Variants in CSMD1 observed in about 807,000 individuals in gnomAD.
CSMD1 encodes CUB and sushi domain-containing protein 1.
In CSMD1, 213 loss-of-function variants were observed where a neutral mutation model predicts 417.5. The observed-to-expected ratio is 0.51, with a 90% CI of 0.46 to 0.57. CSMD1 has a LOEUF of 0.57. Ranked by LOEUF, CSMD1 falls within the 20% of genes least tolerant of loss-of-function variation. The pLI is 0.00. For missense variants in CSMD1, 6,923 were observed against 4,529.7 expected, an observed-to-expected ratio of 1.53 and a Z score of -15.17; for synonymous variants, 2,862 against 1,736.8, an observed-to-expected ratio of 1.65 and a Z score of -16.11.
chr8:4,676,655 G>A (rs1200324851), intron 1 of CSMD1, among the ~76,000 whole-genome samples: 2 of 151,894 alleles, frequency 1.3e-5, no homozygotes, highest in Non-Finnish European at 2.9e-5. Context: ...AGTTACAAAG[G>A]AAAAAAGAAC....
chr8:3,879,749 G>C (rs970942569), intron 5 of CSMD1, among the ~76,000 whole-genome samples: 1 of 152,142 alleles, frequency 6.6e-6, no homozygotes. Context: ...ATGTGGACTA[G>C]CACGTTTTTC....
intron 25 of CSMD1, among the ~76,000 whole-genome samples, chr8:3,297,868 A>T (rs996891959): frequency 6.6e-6 from 1 of 152,210 alleles, no homozygotes; most frequent in Non-Finnish European, 1.5e-5. Flanking sequence ...AAAAATTATT[A>T]TGACTCATTG....
At chr8:4,813,441 G>A (rs544681166) in intron 1 of CSMD1, among the ~76,000 whole-genome samples, 2 of 152,206 alleles carry the variant, frequency 1.3e-5, no homozygotes, top group East Asian at 1.9e-4. Context: ...CTTGTTTTCT[G>A]TATTCTTCCT....
intron 3 of CSMD1, among the ~76,000 whole-genome samples, chr8:4,127,262 G>A (rs184145575): frequency 8.6e-5 from 13 of 151,776 alleles, no homozygotes; most frequent in African/African-American, 1.4e-4. Context: ...TACAGGCCCC[G>A]CTCCAGGTTA....
At chr8:3,607,509 C>T (rs185583898) in intron 8 of CSMD1, among the ~76,000 whole-genome samples, 3 of 152,158 alleles carry the variant, frequency 2.0e-5, no homozygotes, top group Non-Finnish European at 2.9e-5. Context: ...ACTGGCAGCA[C>T]AGTACATCTG....
At chr8:4,381,954 G>A (rs1265073513) in intron 3 of CSMD1, among the ~76,000 whole-genome samples, 3 of 152,008 alleles carry the variant, frequency 2.0e-5, no homozygotes, top group Admixed American at 1.3e-4. Context: ...TAGAATAACT[G>A]CACTAAGTGG....
At chr8:4,452,967 T>G (rs1346551934) in intron 2 of CSMD1, among the ~76,000 whole-genome samples, 6 of 152,298 alleles carry the variant, frequency 3.9e-5, no homozygotes, top group Middle Eastern at 3.4e-3. Flanking sequence ...AATTTAAGCT[T>G]TTGTTTCTGG....
At chr8:3,646,857 T>C (rs1349601486) in intron 7 of CSMD1, among the ~76,000 whole-genome samples, 1 of 152,180 alleles carries the variant, frequency 6.6e-6, no homozygotes, top group African/African-American at 2.4e-5. Flanking sequence ...CCTCTCTGGC[T>C]GAATTTGGGT....
intron 1 of CSMD1, among the ~76,000 whole-genome samples, chr8:4,867,980 C>T (rs1169584145): frequency 2.0e-5 from 3 of 151,508 alleles, no homozygotes; most frequent in African/African-American, 7.3e-5. Flanking sequence ...CACGTTTGTA[C>T]ATCCTTTAAA....
At chr8:3,619,796 C>T (rs1233003257) in intron 7 of CSMD1, among the ~76,000 whole-genome samples, 1 of 152,182 alleles carries the variant, frequency 6.6e-6, no homozygotes, top group Non-Finnish European at 1.5e-5. Context: ...AATGGATAGG[C>T]TGGGCACGGT....
intron 2 of CSMD1, among the ~76,000 whole-genome samples, chr8:4,531,662 T>C (rs1454553359): frequency 1.3e-5 from 2 of 152,148 alleles, no homozygotes; most frequent in African/African-American, 4.8e-5. Flanking sequence ...TCTGTGTGCT[T>C]ATCTAGTTTG....
chr8:4,060,176 G>A lies in CSMD1; in HGVS notation c.416-28077C>T, dbSNP rs543325060. ...ATAAATGTAATCCAGCATATAAACA[G>A]AACCAAAGACAAAAACCACATGATT... On this transcript the variant is annotated intron_variant, in intron 3 of 69. Coordinates refer to ENST00000635120, the MANE Select transcript of CSMD1 (RefSeq NM_033225.6). Among the ~76,000 whole-genome samples, 3 of 152,186 alleles carry A rather than the reference G, an allele frequency of 2.0e-5. No homozygotes were observed. The South Asian group carries it at 6.2e-4, about 32-fold the overall frequency.
chr8:3,159,315 G>A (rs1040472722), intron 38 of CSMD1, among the ~76,000 whole-genome samples: 3 of 152,134 alleles, frequency 2.0e-5, no homozygotes, highest in African/African-American at 7.2e-5. Context: ...ATCAAAACAA[G>A]ATAGGACCCT....
At chr8:3,635,283 G>A (rs565465274) in intron 7 of CSMD1, among the ~76,000 whole-genome samples, 6 of 152,028 alleles carry the variant, frequency 3.9e-5, no homozygotes, top group South Asian at 2.1e-4. Flanking sequence ...AGACCAGCCC[G>A]GCCAAGATGG....
chr8:4,843,712 T>C (rs1301913208), intron 1 of CSMD1, among the ~76,000 whole-genome samples: 1 of 152,226 alleles, frequency 6.6e-6, no homozygotes, highest in Non-Finnish European at 1.5e-5. Context: ...CAGAATATAT[T>C]ATTCTGTTTT....
chr8:3,920,763 G>T lies in CSMD1; in HGVS notation c.818+77140C>A, dbSNP rs188880025. Among the ~76,000 whole-genome samples, 15 of 152,132 alleles carry T rather than the reference G, an allele frequency of 9.9e-5. No homozygotes were observed. The South Asian group carries it at 1.0e-3, about 11-fold the overall frequency. ...ATAAATATCATATTTTGTTAGTGGG[G>T]TATATCCAATTTATTGATTTGCGTA... On this transcript the variant is annotated intron_variant, in intron 5 of 69. Transcript: ENST00000635120.
chr8:4,861,728 TA>T (rs761974640), intron 1 of CSMD1, among the ~76,000 whole-genome samples: 6 of 152,072 alleles, frequency 3.9e-5, no homozygotes, highest in Non-Finnish European at 8.8e-5. Flanking sequence ...TGGCATACGT[TA>T]AAGAATGTAC....
At chr8:3,135,147 C>T (rs938618182) in intron 41 of CSMD1, among the ~76,000 whole-genome samples, 1 of 152,264 alleles carries the variant, frequency 6.6e-6, no homozygotes, top group Admixed American at 6.5e-5. Flanking sequence ...AACTCCTGGC[C>T]TTGAGCAATC....
In CSMD1 at chr8:2,973,179, C is replaced by G; in HGVS notation, c.8861G>C (p.Gly2954Ala). 6.2e-7 allele frequency: 1 copy of G among 1,613,784 alleles called. No homozygotes were observed. The highest frequency in any genetic ancestry group is 8.5e-7 in the Non-Finnish European group (1 of 1,179,756). ...FSCEMGHQLR[G>A]SPERTCLLNG... Reference sequence around the variant, plus strand: ...GAGCAAACACGTGCGTTCAGGGGAGCCCCTCAGCTGGTGCCCCATTTCACA... The same window carrying G: ...GAGCAAACACGTGCGTTCAGGGGAGGCCCTCAGCTGGTGCCCCATTTCACA... Residue 2954 changes from glycine (G) to alanine (A), a missense_variant, in exon 57 of 70, where the codon GGC becomes GCC. By Grantham distance (60) the Gly-to-Ala change is moderately conservative (BLOSUM62 0). Coordinates refer to ENST00000635120, the MANE Select transcript of CSMD1 (RefSeq NM_033225.6).
Sources: gnomAD v4.1 joint callset for allele counts (sites outside exome capture counted in the v4.1 genomes callset) on GRCh38, gnomAD v4.1.1 for gene constraint, MANE v1.5 for transcripts, NCBI Gene and HGNC (gene_info 2026-07-23, HGNC 2026-07-21) for gene names.